Variants in OGDH observed in about 807,000 individuals in gnomAD.
OGDH encodes the protein oxoglutarate dehydrogenase.
A neutral mutation model predicts 116.6 loss-of-function variants in OGDH; 38 were observed. The ratio of observed to expected loss-of-function variants is 0.33; its 90% confidence interval spans 0.25 to 0.43. The LOEUF is 0.43. Ranked by LOEUF, OGDH falls within the 20% of genes least tolerant of loss-of-function variation. The pLI, the probability that OGDH is intolerant of heterozygous loss-of-function variation, is 1.00. For synonymous variants in OGDH, 488 were observed against 533.3 expected (o/e 0.92, Z 1.17); for missense variants, 825 against 1,357.2 (o/e 0.61, Z 6.16).
At chr7:44,645,274 C>G (rs1786119381) in intron 2 of OGDH, 53 bp from the exon 3 acceptor site, 3 of 1,518,556 alleles carry the variant, frequency 2.0e-6, no homozygotes, top group Non-Finnish European at 1.8e-6. Context: ...GCCACAGATG[C>G]ATCCTGGACT....
At position 44,707,963 on chromosome 7, in the gene OGDH, G is replaced by T; in HGVS notation, c.3036G>T (p.Thr1012=). 4 of 1,613,774 alleles carry T rather than the reference G, an allele frequency of 2.5e-6. No individual in the cohort carries two copies. Among genetic ancestry groups the T allele is most frequent in the Non-Finnish European group, 3.4e-6 (4 of 1,179,996 alleles). The part of the protein sequence containing the change: ...HLTELQRLLD[T]AFDLDVFKNF... Reference sequence around the variant, plus strand: ...CGGAGCTGCAGCGCCTCCTGGACACGGCCTTCGACCTGGACGTCTTCAAGA... The same window carrying T: ...CGGAGCTGCAGCGCCTCCTGGACACTGCCTTCGACCTGGACGTCTTCAAGA... The change falls in exon 23 of 23, where the codon ACG becomes ACT. Residue 1012 remains threonine, a synonymous_variant. Transcript: ENST00000222673. This position sits in a 1 kb window ranked among gnomAD's most constrained non-coding sequence, Gnocchi z 5.2.
At chr7:44,621,490 A>T (rs1470512679) in intron 1 of OGDH, among the ~76,000 whole-genome samples, 1 of 152,184 alleles carries the variant, frequency 6.6e-6, no homozygotes, top group African/African-American at 2.4e-5. Flanking sequence ...GTGGACAGCA[A>T]ATAGCTGTCC....
chr7:44,665,113 T>G (rs1007765813), intron 4 of OGDH, among the ~76,000 whole-genome samples: 1 of 152,172 alleles, frequency 6.6e-6, no homozygotes, highest in Non-Finnish European at 1.5e-5. Flanking sequence ...ATTCTGTTTT[T>G]CCTCCATAAA....
At chr7:44,609,761 T>G (rs1005609371) in intron 1 of OGDH, among the ~76,000 whole-genome samples, 1 of 152,322 alleles carries the variant, frequency 6.6e-6, no homozygotes, top group East Asian at 1.9e-4. Context: ...ATTAAACAAA[T>G]AGCCAAACTG....
chr7:44,617,339 C>G (rs1431243834), intron 1 of OGDH, among the ~76,000 whole-genome samples: 1 of 152,176 alleles, frequency 6.6e-6, no homozygotes, highest in Non-Finnish European at 1.5e-5. Context: ...ACTGTCTCCA[C>G]TTTATGGCCC....
At chr7:44,665,831 A>G (rs995203611) in intron 4 of OGDH, among the ~76,000 whole-genome samples, 1 of 152,188 alleles carries the variant, frequency 6.6e-6, no homozygotes, top group African/African-American at 2.4e-5. Flanking sequence ...AAACTGGATA[A>G]AAGAATGTAT....
intron 3 of OGDH, among the ~76,000 whole-genome samples, chr7:44,646,375 A>G (rs1786181982): frequency 6.6e-6 from 1 of 152,244 alleles, no homozygotes; most frequent in Admixed American, 6.5e-5. Context: ...GGCCATGGGC[A>G]GGTGTTGTAA....
intron 4 of OGDH, among the ~76,000 whole-genome samples, chr7:44,658,469 T>G (rs1165328469): frequency 6.7e-6 from 1 of 150,036 alleles, no homozygotes; most frequent in Non-Finnish European, 1.5e-5. Flanking sequence ...TTTTTTTTTG[T>G]AGATTCCTTA....
rs201141796 is a variant in OGDH at position 44,707,426 on chromosome 7, G to A, written c.2796+38G>A. 50 of 1,611,680 alleles carry A rather than the reference G, an allele frequency of 3.1e-5. No individual in the cohort carries two copies. In the East Asian group the frequency reaches 4.2e-4, roughly 14 times the overall value. On this transcript the variant is annotated intron_variant, in intron 21 of 22. Coordinates refer to ENST00000222673, the MANE Select transcript of OGDH (RefSeq NM_002541.4). This position sits in a 1 kb window ranked among gnomAD's most constrained non-coding sequence, Gnocchi z 5.2. ...GGTGCCATCAGGGTGTCCCCCCAGC[G>A]GGGGTCAGGGCTCTGGTGCCTTCAC...
chr7:44,609,870 T>C lies in OGDH; in HGVS notation c.-28+3217T>C, dbSNP rs918587730. Among the ~76,000 whole-genome samples, 24 of 152,256 alleles carry C rather than the reference T, an allele frequency of 1.6e-4. 1 individual carries two copies. On this transcript the variant is annotated intron_variant, in intron 1 of 22. Transcript: ENST00000222673. ...CATTTGGTGATGTTACTTTTTTTATTATAGCCATTCCAATAAATGTGTAGT... is the reference window on the plus strand; with the variant it reads ...CATTTGGTGATGTTACTTTTTTTATCATAGCCATTCCAATAAATGTGTAGT...
intron 2 of OGDH, among the ~76,000 whole-genome samples, chr7:44,628,049 T>TA (rs1785277836): frequency 6.6e-6 from 1 of 152,224 alleles, no homozygotes; most frequent in Admixed American, 6.5e-5. Context: ...GAGTAGATGA[T>TA]AAGCCTAATG....
At chr7:44,650,266 C>T (rs1257292109) in intron 4 of OGDH, among the ~76,000 whole-genome samples, 1 of 151,030 alleles carries the variant, frequency 6.6e-6, no homozygotes, top group East Asian at 1.9e-4. Flanking sequence ...AACAGCAGGT[C>T]AGATGTGACC....
At chr7:44,654,537 A>G (rs1786599777) in intron 4 of OGDH, among the ~76,000 whole-genome samples, 1 of 152,230 alleles carries the variant, frequency 6.6e-6, no homozygotes, top group South Asian at 2.1e-4. Flanking sequence ...AGAGTGATAT[A>G]GAGCAGTTCA....
chr7:44,705,038 A>T (rs1789003259), intron 20 of OGDH, among the ~76,000 whole-genome samples: 1 of 135,002 alleles, frequency 7.4e-6, no homozygotes, highest in South Asian at 2.4e-4. Context: ...GATGTACAAA[A>T]GTTTTTAATT....
At chr7:44,632,619 GTTGTTA>G (rs112133005) in intron 2 of OGDH, among the ~76,000 whole-genome samples, 1,990 of 147,810 alleles carry the variant, frequency 0.013, 50 homozygotes, top group African/African-American at 0.047. Context: ...TTTTGTTGTT[GTTGTTA>G]TTGTTGTTTT....
intron 5 of OGDH, among the ~76,000 whole-genome samples, chr7:44,667,398 C>T (rs532921497): frequency 5.3e-5 from 8 of 152,320 alleles, no homozygotes; most frequent in African/African-American, 1.9e-4. Context: ...AGGAGAGTCA[C>T]TTCAACCCTG....
intron 19 of OGDH, among the ~76,000 whole-genome samples, chr7:44,700,844 C>A (rs1328388652): frequency 1.3e-5 from 2 of 152,056 alleles, no homozygotes; most frequent in African/African-American, 4.8e-5. Context: ...AACCCCGTCT[C>A]TACCAAAAAA....
Position 44,628,619 on chromosome 7 carries a change from A to T in OGDH, c.222+4054A>T, listed in dbSNP as rs542471470. 6.6e-5 allele frequency among the ~76,000 whole-genome samples: 10 copies of T among 151,894 alleles called. No homozygotes were observed. The East Asian group carries it at 7.8e-4, about 12-fold the overall frequency. On this transcript the variant is annotated intron_variant, in intron 2 of 22. Transcript: ENST00000222673. ...AAAATAGAAAGCTTTTTAAAAAAATAAAAAAATGTAAATAGAGATGGAGTC... is the reference window on the plus strand; with the variant it reads ...AAAATAGAAAGCTTTTTAAAAAAATTAAAAAATGTAAATAGAGATGGAGTC...
intron 9 of OGDH, among the ~76,000 whole-genome samples, chr7:44,676,936 T>G (rs901032730): frequency 1.3e-5 from 2 of 152,140 alleles, no homozygotes; most frequent in African/African-American, 4.8e-5. Context: ...GTTCACGGGC[T>G]GGTAGGAGAC....
Sources: gnomAD v4.1 joint callset for allele counts (sites outside exome capture counted in the v4.1 genomes callset) on GRCh38, gnomAD v4.1.1 for gene constraint, Gnocchi (gnomAD v3.1) non-coding constraint, MANE v1.5 for transcripts, NCBI Gene and HGNC (gene_info 2026-07-23, HGNC 2026-07-21) for gene names.